Variants in C1QTNF3 observed in about 807,000 individuals in gnomAD.
C1QTNF3 encodes the protein C1q and TNF related 3.
C1QTNF3 carries 26 observed loss-of-function variants against 32.6 expected under a neutral mutation model. The observed-to-expected ratio is 0.80, with a 90% CI of 0.58 to 1.11. The LOEUF (loss-of-function observed/expected upper bound fraction) is 1.11, where lower values mean the gene tolerates loss of function less well. C1QTNF3 is among the 50% of genes least tolerant of loss of function. C1QTNF3 has a pLI of 0.00. For synonymous variants in C1QTNF3, 155 were observed against 146.0 expected (o/e 1.06, Z -0.44); for missense variants, 362 against 398.2 (o/e 0.91, Z 0.77).
chr5:34,230,454 C>T, the C1QTNF3 span, among the ~76,000 whole-genome samples: 1 of 152,048 alleles, frequency 6.6e-6, no homozygotes, highest in Admixed American at 6.6e-5. Context: ...GCCCCAGGGT[C>T]CATCTTAGTC....
the C1QTNF3 span, among the ~76,000 whole-genome samples, chr5:34,132,727 G>A: frequency 6.9e-3 from 1,056 of 152,124 alleles, 15 homozygotes; most frequent in African/African-American, 0.024. Context: ...GTGATTGATG[G>A]ATGCTTAGGT....
chr5:34,219,280 A>G, the C1QTNF3 span, among the ~76,000 whole-genome samples: 1 of 151,816 alleles, frequency 6.6e-6, no homozygotes, highest in African/African-American at 2.4e-5. Context: ...ATTTTCTTTA[A>G]TTAAACTATA....
chr5:34,153,871 A>AC, the C1QTNF3 span, among the ~76,000 whole-genome samples: 1 of 150,402 alleles, frequency 6.6e-6, no homozygotes, highest in Non-Finnish European at 1.5e-5. Flanking sequence ...AAAAAAAAAA[A>AC]AAAACAAAAG....
chr5:34,105,135 G>A, the C1QTNF3 span, among the ~76,000 whole-genome samples: 1 of 152,148 alleles, frequency 6.6e-6, no homozygotes, highest in African/African-American at 2.4e-5. Flanking sequence ...AGTTTCAGAA[G>A]TATGATGACA....
chr5:34,135,414 C>G, the C1QTNF3 span, among the ~76,000 whole-genome samples: 13 of 152,128 alleles, frequency 8.5e-5, no homozygotes, highest in African/African-American at 3.1e-4. Flanking sequence ...GCTTTGGTAT[C>G]AGGATGAGGT....
At chr5:34,088,652 C>A in the C1QTNF3 span, among the ~76,000 whole-genome samples, 1 of 152,092 alleles carries the variant, frequency 6.6e-6, no homozygotes, top group Non-Finnish European at 1.5e-5. Flanking sequence ...TATTGCTCTA[C>A]AACTGGGTGC....
chr5:34,228,807 C>T, the C1QTNF3 span, among the ~76,000 whole-genome samples: 1 of 151,712 alleles, frequency 6.6e-6, no homozygotes, highest in African/African-American at 2.4e-5. Context: ...AATTACTTTA[C>T]CTATAAAGCT....
chr5:34,055,730 T>G, the C1QTNF3 span, among the ~76,000 whole-genome samples: 1 of 152,300 alleles, frequency 6.6e-6, no homozygotes, highest in African/African-American at 2.4e-5. Flanking sequence ...CCCACATCTG[T>G]TTTCTAAGTC....
At chr5:34,060,883 C>T in the C1QTNF3 span, among the ~76,000 whole-genome samples, 8 of 152,166 alleles carry the variant, frequency 5.3e-5, no homozygotes, top group South Asian at 2.1e-4. Flanking sequence ...TATGTCCTCA[C>T]ATTTCAAAAC....
chr5:34,197,398 T>C, the C1QTNF3 span, among the ~76,000 whole-genome samples: 3 of 152,210 alleles, frequency 2.0e-5, no homozygotes, highest in Non-Finnish European at 4.4e-5. Flanking sequence ...GCCATTCTCT[T>C]ATAAAAGAAA....
At chr5:34,225,242 C>A in the C1QTNF3 span, among the ~76,000 whole-genome samples, 1 of 151,718 alleles carries the variant, frequency 6.6e-6, no homozygotes, top group African/African-American at 2.4e-5. Flanking sequence ...ATAGCTGTAT[C>A]CAACATGAAA....
the C1QTNF3 span, among the ~76,000 whole-genome samples, chr5:34,095,880 C>T: frequency 4.0e-5 from 6 of 149,720 alleles, no homozygotes; most frequent in African/African-American, 1.5e-4. Context: ...CAAGAGAATA[C>T]CACAGAGAAC....
chr5:34,043,210 A>T lies in C1QTNF3; in HGVS notation c.-85T>A. 1 of 1,395,122 alleles carries T rather than the reference A, an allele frequency of 7.2e-7. No individual in the cohort carries two copies. Among genetic ancestry groups the T allele is most frequent in the Non-Finnish European group, 9.7e-7 (1 of 1,029,310 alleles). 86.4% of individuals were successfully genotyped at this position (1,395,122 alleles called of 1,614,324 possible). ...CTCCTCGGGCAGATGCCAGGACTGG[A>T]GCTGAGAGCTGCAGCGGCGGAGTGG... On this transcript the variant is annotated 5_prime_UTR_variant, in exon 1 of 6. Coordinates refer to ENST00000382065, the MANE Select transcript of C1QTNF3 (RefSeq NM_181435.6).
At chr5:34,216,516 G>C in the C1QTNF3 span, among the ~76,000 whole-genome samples, 1 of 152,122 alleles carries the variant, frequency 6.6e-6, no homozygotes, top group African/African-American at 2.4e-5. Flanking sequence ...CTGTGACAAT[G>C]TTTTGTGAAT....
chr5:34,142,965 A>T, the C1QTNF3 span, among the ~76,000 whole-genome samples: 1 of 152,258 alleles, frequency 6.6e-6, no homozygotes, highest in Non-Finnish European at 1.5e-5. Context: ...CATAGAATTC[A>T]GAATTTGTAT....
chr5:34,063,299 T>TCC, the C1QTNF3 span, among the ~76,000 whole-genome samples: 1 of 146,684 alleles, frequency 6.8e-6, no homozygotes, highest in Non-Finnish European at 1.5e-5. Context: ...CTCTCTCTCC[T>TCC]CTCTCTCTCA....
At chr5:34,028,914 G>A in intron 3 of C1QTNF3, 31 bp from the exon 4 acceptor site, 2 of 1,592,000 alleles carry the variant, frequency 1.3e-6, no homozygotes, top group Non-Finnish European at 1.7e-6. Flanking sequence ...CAATAAATAG[G>A]CAATTTATCT....
At chr5:34,139,091 T>C in the C1QTNF3 span, among the ~76,000 whole-genome samples, 1 of 152,116 alleles carries the variant, frequency 6.6e-6, no homozygotes, top group Admixed American at 6.5e-5. Context: ...AGTATGTTTG[T>C]ATATACATAT....
chr5:34,033,322 C>T lies in C1QTNF3; in HGVS notation c.552G>A (p.Gly184=). 6.2e-7 allele frequency: 1 copy of T among 1,613,560 alleles called. No individual in the cohort carries two copies. The highest frequency in any genetic ancestry group is 1.1e-5 in the South Asian group (1 of 91,010). Reference sequence around the variant, plus strand: ...GGTTTACCTGAAGTTCTGGTGGAATCCCCGGGTAGCCCTTCTCTCCTTTGG... The same window carrying T: ...GGTTTACCTGAAGTTCTGGTGGAATTCCCGGGTAGCCCTTCTCTCCTTTGG... ...HGPKGEKGYP[G]IPPELQIAFM... is the part of the protein sequence containing the mutation. Residue 184 remains glycine, a synonymous_variant, in exon 3 of 6, where the codon GGG becomes GGA. Coordinates refer to ENST00000382065, the MANE Select transcript of C1QTNF3 (RefSeq NM_181435.6).
Sources: allele counts gnomAD v4.1 joint callset (sites outside exome capture counted in the v4.1 genomes callset), GRCh38; gene constraint gnomAD v4.1.1; transcripts MANE v1.5; gene names NCBI Gene and HGNC (gene_info 2026-07-23, HGNC 2026-07-21).